Variants in CUL3 observed in about 807,000 individuals in gnomAD.
CUL3 encodes cullin 3.
A neutral mutation model predicts 89.1 loss-of-function variants in CUL3; 19 were observed. The observed-to-expected ratio is 0.21, with a 90% CI of 0.15 to 0.31. The LOEUF is 0.31. Among genes scored for constraint, CUL3 ranks in the 10% least tolerant of loss-of-function variants. The pLI is 1.00. For missense variants in CUL3, 469 were observed against 942.3 expected (o/e 0.50, Z 6.58); for synonymous variants, 351 against 308.4 (o/e 1.14, Z -1.45).
intron 6 of CUL3, among the ~76,000 whole-genome samples, chr2:224,507,437 T>C (rs532358194): frequency 2.6e-5 from 4 of 152,266 alleles, no homozygotes; most frequent in African/African-American, 9.6e-5. Context: ...GTAGTCCCTG[T>C]AATGAGGAAG....
intron 13 of CUL3, among the ~76,000 whole-genome samples, chr2:224,487,325 T>C (rs959141644): frequency 2.0e-5 from 3 of 150,812 alleles, no homozygotes; most frequent in Middle Eastern, 3.2e-3. Context: ...GACTGGCAAA[T>C]TGGATAAAGA....
In CUL3 at chr2:224,568,212, TTA is replaced by T. The variant is rs75046970; in HGVS notation, c.67-10358_67-10357del. Among the ~76,000 whole-genome samples, 556 of 152,346 alleles carry T rather than the reference TTA, an allele frequency of 3.6e-3. 20 individuals carry two copies. The East Asian group carries it at 0.088, about 24-fold the overall frequency. Reference sequence around the variant, plus strand: ...TCCTTCTCAGTTCTTCCGTGATATTTTATAGTGTAAACTGTATTTACTTAACT... The same window carrying T: ...TCCTTCTCAGTTCTTCCGTGATATTTTAGTGTAAACTGTATTTACTTAACT... On this transcript the variant is annotated intron_variant, in intron 1 of 15. Transcript: ENST00000264414.
At position 224,532,328 on chromosome 2, in the gene CUL3, A is replaced by G. The variant is rs141781647; in HGVS notation, c.378+3200T>C. Among the ~76,000 whole-genome samples, 369 of 152,270 alleles carry G rather than the reference A, an allele frequency of 2.4e-3. 4 individuals are homozygous for G. The highest frequency in any genetic ancestry group is 8.3e-3 in the African/African-American group (345 of 41,552). ...GGGATGGTGGGGGCAGTTAGTAGTC[A>G]TTGAAGGAGGAGGAGAGGCTAAGAA... On this transcript the variant is annotated intron_variant, in intron 3 of 15. Coordinates refer to ENST00000264414, the MANE Select transcript of CUL3 (RefSeq NM_003590.5).
intron 1 of CUL3, among the ~76,000 whole-genome samples, chr2:224,577,542 C>G (rs1695330518): frequency 1.3e-5 from 2 of 148,778 alleles, no homozygotes; most frequent in Non-Finnish European, 3.0e-5. Flanking sequence ...GCACTCCAGC[C>G]TGGGTGACAG....
rs113563773 is a variant in CUL3, at chr2:224,505,843, A to G, written c.1206+113T>C. The G allele has an allele frequency of 2.0e-4, 127 of 628,858 alleles. 2 individuals carry two copies. In the African/African-American group the frequency reaches 2.1e-3, roughly 10 times the overall value. 39.0% of individuals were successfully genotyped at this position (628,858 alleles called of 1,614,324 possible). A position where few individuals can be genotyped will look rare whatever the true frequency, so the allele number is the denominator to read the frequency against. On this transcript the variant is annotated intron_variant, in intron 8 of 15. Transcript: ENST00000264414. Reference sequence around the variant, plus strand: ...TTTTAATAGACCATGGCACCCATTTAAGCACAGCAATGGGTCATGCTTAAT... The same window carrying G: ...TTTTAATAGACCATGGCACCCATTTGAGCACAGCAATGGGTCATGCTTAAT...
At chr2:224,512,093 C>CT (rs1427316517) in intron 5 of CUL3, among the ~76,000 whole-genome samples, 17 of 142,196 alleles carry the variant, frequency 1.2e-4, no homozygotes, top group Admixed American at 2.1e-4. Context: ...AACTATTCAT[C>CT]TTTTTTTTCT....
At chr2:224,497,927 C>T (rs1169733572) in intron 11 of CUL3, 78 bp from the exon 12 acceptor site, 2 of 1,094,742 alleles carry the variant, frequency 1.8e-6, no homozygotes, top group Admixed American at 1.8e-5. Flanking sequence ...GATAACATCC[C>T]TTAAACATTT....
intron 1 of CUL3, among the ~76,000 whole-genome samples, chr2:224,566,177 T>C (rs186761493): frequency 8.7e-4 from 132 of 152,304 alleles, no homozygotes; most frequent in African/African-American, 3.1e-3. Context: ...CTAGGTGCAT[T>C]GTCCAGTAGA....
intron 3 of CUL3, among the ~76,000 whole-genome samples, chr2:224,530,166 A>G (rs1229220810): frequency 1.3e-5 from 2 of 151,920 alleles, no homozygotes; most frequent in African/African-American, 2.4e-5. Context: ...GTGAACCCGG[A>G]AGGCAGAGCT....
At chr2:224,505,909 A>G in intron 8 of CUL3, 47 bp downstream of exon 8, 1 of 1,223,848 alleles carries the variant, frequency 8.2e-7, no homozygotes, top group South Asian at 1.9e-5. Context: ...ATAATTTTAT[A>G]TCTTTAAATA....
At chr2:224,509,081 AT>A (rs1447119332) in intron 6 of CUL3, among the ~76,000 whole-genome samples, 8 of 152,288 alleles carry the variant, frequency 5.3e-5, no homozygotes, top group African/African-American at 1.9e-4. Context: ...ATTTATGAGA[AT>A]TTGGCTTCAT....
At chr2:224,506,561 A>C (rs1303691317) in intron 7 of CUL3, among the ~76,000 whole-genome samples, 1 of 152,198 alleles carries the variant, frequency 6.6e-6, no homozygotes, top group Admixed American at 6.5e-5. Context: ...TTTCCAATAT[A>C]CTACAGTATA....
At chr2:224,497,227 T>C (rs1204338070) in intron 12 of CUL3, among the ~76,000 whole-genome samples, 1 of 152,122 alleles carries the variant, frequency 6.6e-6, no homozygotes, top group African/African-American at 2.4e-5. Context: ...TGAAAATAAA[T>C]TATTACTCTA....
chr2:224,514,830 G>A, intron 3 of CUL3, 58 bp from the exon 4 acceptor site: 2 of 1,173,478 alleles, frequency 1.7e-6, no homozygotes, highest in Non-Finnish European at 1.2e-6. Context: ...TAATTATTGT[G>A]TGCTACAATA....
chr2:224,532,313 G>A (rs1353277154), intron 3 of CUL3, among the ~76,000 whole-genome samples: 2 of 152,066 alleles, frequency 1.3e-5, no homozygotes, highest in Admixed American at 6.5e-5. Context: ...GGGATGGTGG[G>A]GGCAGTTAGT....
chr2:224,542,526 T>C (rs2106277771), intron 2 of CUL3, among the ~76,000 whole-genome samples: 1 of 151,572 alleles, frequency 6.6e-6, no homozygotes, highest in African/African-American at 2.4e-5. Context: ...TGTGTGTGTG[T>C]GTGCCAGCAC....
chr2:224,482,181 T>C, intron 13 of CUL3, 103 bp from the exon 14 acceptor site: 2 of 780,768 alleles, frequency 2.6e-6, no homozygotes, highest in Non-Finnish European at 4.0e-6. Context: ...GGTAATTCCA[T>C]TAAATAAATA....
At position 224,568,050 on chromosome 2, in the gene CUL3, CT is replaced by C. The variant is rs1181780915; in HGVS notation, c.67-10195del. 8.5e-5 allele frequency among the ~76,000 whole-genome samples: 13 copies of C among 152,198 alleles called. No homozygotes were observed. In the East Asian group the frequency reaches 9.7e-4, roughly 11 times the overall value. On this transcript the variant is annotated intron_variant, in intron 1 of 15. Transcript: ENST00000264414. The stretch of plus-strand genomic sequence containing the variant: ...TCCCCACTTATTTCAGTTCCCATGT[CT>C]TTTTTCCCCCCTGCTTTTGGTCCTC...
intron 8 of CUL3, 141 bp from the exon 9 acceptor site, chr2:224,503,963 G>A (rs1329497637): frequency 2.8e-5 from 17 of 606,224 alleles, no homozygotes; most frequent in Non-Finnish European, 4.4e-5. Flanking sequence ...GATACGGTTT[G>A]AGAAAGTGTC....
Sources: gnomAD v4.1 joint callset for allele counts (sites outside exome capture counted in the v4.1 genomes callset) on GRCh38, gnomAD v4.1.1 for gene constraint, MANE v1.5 for transcripts, NCBI Gene and HGNC (gene_info 2026-07-23, HGNC 2026-07-21) for gene names.